ULK4: variants seen among roughly 807,000 people sequenced by gnomAD.
The protein encoded by ULK4 is inactive serine/threonine-protein kinase ULK4.
A neutral mutation model predicts 160.6 loss-of-function variants in ULK4; 133 were observed. The ratio of observed to expected loss-of-function variants is 0.83; its 90% CI spans 0.72 to 0.96. The LOEUF (loss-of-function observed/expected upper bound fraction) is 0.96, where lower values mean the gene tolerates loss of function less well. ULK4 is among the 40% of genes least tolerant of loss of function. The pLI, the probability that ULK4 is intolerant of heterozygous loss-of-function variation, is 0.00. For missense variants in ULK4, 1,580 were observed against 1,499.5 expected, an observed-to-expected ratio of 1.05 and a Z score of -0.89; for synonymous variants, 534 against 539.8, an observed-to-expected ratio of 0.99 and a Z score of 0.15.
chr3:41,718,004 C>T (rs2037330963), intron 22 of ULK4, 143 bp from the exon 23 acceptor site: 5 of 922,072 alleles, frequency 5.4e-6, no homozygotes, highest in Middle Eastern at 3.7e-4. Context: ...TTGTCGGGCA[C>T]AATTTTTGCC....
chr3:41,641,437 C>T (rs2034189063), intron 30 of ULK4, among the ~76,000 whole-genome samples: 1 of 152,172 alleles, frequency 6.6e-6, no homozygotes. Flanking sequence ...TGGCTCATGA[C>T]TGCAATCCCA....
intron 29 of ULK4, among the ~76,000 whole-genome samples, chr3:41,666,879 C>T (rs898954180): frequency 8.5e-5 from 13 of 152,116 alleles, no homozygotes; most frequent in African/African-American, 2.9e-4. Flanking sequence ...GATAGTGGCT[C>T]ACACCTGTAA....
chr3:41,667,194 G>C (rs1449256384), intron 29 of ULK4, among the ~76,000 whole-genome samples: 1 of 151,598 alleles, frequency 6.6e-6, no homozygotes, highest in Non-Finnish European at 1.5e-5. Context: ...AAAAAACACT[G>C]CTGAAACATT....
intron 35 of ULK4, among the ~76,000 whole-genome samples, chr3:41,388,030 C>T (rs1296741522): frequency 6.6e-6 from 1 of 152,182 alleles, no homozygotes; most frequent in Non-Finnish European, 1.5e-5. Flanking sequence ...TCCTCTCCAG[C>T]ACCTGTTGTT....
intron 29 of ULK4, among the ~76,000 whole-genome samples, chr3:41,670,737 G>A (rs925962513): frequency 6.6e-6 from 1 of 151,882 alleles, no homozygotes; most frequent in Non-Finnish European, 1.5e-5. Flanking sequence ...TCTTCAATTA[G>A]ATCAACAGCA....
intron 32 of ULK4, among the ~76,000 whole-genome samples, chr3:41,528,696 A>G (rs1340491902): frequency 1.3e-5 from 2 of 152,220 alleles, no homozygotes; most frequent in Non-Finnish European, 2.9e-5. Context: ...TGCCTATTAC[A>G]TGATTCCACT....
intron 18 of ULK4, among the ~76,000 whole-genome samples, chr3:41,829,835 A>G (rs1182816733): frequency 2.0e-5 from 3 of 147,068 alleles, no homozygotes; most frequent in African/African-American, 7.9e-5. Flanking sequence ...TGCTATAAAG[A>G]CACATGCACA....
intron 32 of ULK4, among the ~76,000 whole-genome samples, chr3:41,511,654 C>G (rs1227912158): frequency 6.7e-6 from 1 of 149,988 alleles, no homozygotes; most frequent in Admixed American, 6.6e-5. Context: ...TTAAAAATTG[C>G]CAACAACAAA....
chr3:41,873,231 T>TA lies in ULK4; in HGVS notation c.1656+10642_1656+10643insT, dbSNP rs1325050446. ...GGTAAATGAGTTGCCTTTCTTTTTTTTTTTTTTTTTTTGAAAATGCCCCAT... is the reference window on the plus strand; with the variant it reads ...GGTAAATGAGTTGCCTTTCTTTTTTTATTTTTTTTTTTTGAAAATGCCCCAT... On this transcript the variant is annotated intron_variant, in intron 17 of 36. Coordinates refer to ENST00000301831, the MANE Select transcript of ULK4 (RefSeq NM_017886.4). Among the ~76,000 whole-genome samples the TA allele has an allele frequency of 1.7e-3, 146 of 85,018 alleles. 1 individual carries two copies. Among genetic ancestry groups the TA allele is most frequent in the African/African-American group, 0.012 (139 of 11,334 alleles). The allele number at this position is 85,018 out of a possible 152,430, so 55.8% of individuals were successfully genotyped here. A position where few individuals can be genotyped will look rare whatever the true frequency, so the allele number is the denominator to read the frequency against.
At chr3:41,273,304 C>G (rs891797515) in intron 35 of ULK4, among the ~76,000 whole-genome samples, 1 of 152,032 alleles carries the variant, frequency 6.6e-6, no homozygotes, top group Non-Finnish European at 1.5e-5. Flanking sequence ...GAGGCAAGAC[C>G]CTTCTGTGTA....
chr3:41,351,215 G>A (rs2080903595), intron 35 of ULK4, among the ~76,000 whole-genome samples: 1 of 152,190 alleles, frequency 6.6e-6, no homozygotes, highest in Non-Finnish European at 1.5e-5. Context: ...TGAAAAAGCT[G>A]GTGATTCAAG....
intron 35 of ULK4, among the ~76,000 whole-genome samples, chr3:41,296,788 G>A (rs1239012798): frequency 2.0e-5 from 3 of 151,946 alleles, no homozygotes; most frequent in Non-Finnish European, 2.9e-5. Flanking sequence ...TGAGTCCAGA[G>A]GACATCCAGT....
At chr3:41,306,381 G>C (rs1388340526) in intron 35 of ULK4, among the ~76,000 whole-genome samples, 1 of 138,026 alleles carries the variant, frequency 7.2e-6, no homozygotes, top group Non-Finnish European at 1.5e-5. Flanking sequence ...CAGCTGCCCC[G>C]TCCGGGAGGT....
intron 35 of ULK4, among the ~76,000 whole-genome samples, chr3:41,273,039 CT>C (rs1318335674): frequency 1.3e-5 from 2 of 152,096 alleles, no homozygotes; most frequent in Non-Finnish European, 2.9e-5. Context: ...TCTGGATTGG[CT>C]TTGATAGACT....
intron 32 of ULK4, among the ~76,000 whole-genome samples, chr3:41,481,669 T>C (rs1243161934): frequency 1.3e-5 from 2 of 150,348 alleles, no homozygotes; most frequent in East Asian, 2.0e-4. Flanking sequence ...CTACTAAAAA[T>C]ACAAAAAATT....
In ULK4 at chr3:41,681,744, C is replaced by G. The variant is rs1218985626; in HGVS notation, c.2833+9G>C. 6.2e-7 allele frequency: 1 copy of G among 1,614,048 alleles called. No individual in the cohort carries two copies. Among genetic ancestry groups the G allele is most frequent in the Admixed American group, 1.7e-5 (1 of 60,008 alleles). On this transcript the variant is annotated intron_variant, in intron 28 of 36. Transcript: ENST00000301831. ...CTGATGCAATTCTTGCTGGTGTCAT[C>G]ACACTTACCATTTTGGCTTTGAACC...
At position 41,819,323 on chromosome 3, in the gene ULK4, T is replaced by A. The variant is rs182779657; in HGVS notation, c.1848+100A>T. ...ATTTAAATTCAGGAGCAATACTTGG[T>A]TGACAAGCTCCTGCACTGCTGCAGG... On this transcript the variant is annotated intron_variant, in intron 19 of 36. Transcript: ENST00000301831. 1.9e-4 allele frequency: 202 copies of A among 1,091,766 alleles called. 1 individual carries two copies. In the East Asian group the frequency reaches 4.1e-3, roughly 22 times the overall value. 67.6% of individuals were successfully genotyped at this position (1,091,766 alleles called of 1,614,324 possible).
intron 16 of ULK4, among the ~76,000 whole-genome samples, chr3:41,890,295 A>G (rs1414507748): frequency 6.6e-6 from 1 of 152,202 alleles, no homozygotes; most frequent in Non-Finnish European, 1.5e-5. Context: ...AAGTCAAGAG[A>G]GACAAACTCC....
chr3:41,534,760 G>A (rs1575373984), intron 32 of ULK4, among the ~76,000 whole-genome samples: 1 of 151,970 alleles, frequency 6.6e-6, no homozygotes, highest in East Asian at 1.9e-4. Flanking sequence ...ACAGTATGTT[G>A]CATATTTTAT....
Sources: allele counts gnomAD v4.1 joint callset (sites outside exome capture counted in the v4.1 genomes callset), GRCh38; gene constraint gnomAD v4.1.1; transcripts MANE v1.5; gene names NCBI Gene and HGNC (gene_info 2026-07-23, HGNC 2026-07-21).